CACNA1H: variants seen among roughly 807,000 people sequenced by gnomAD.
The protein encoded by CACNA1H is calcium voltage-gated channel subunit alpha1 H.
In CACNA1H, 149 loss-of-function variants were observed where a neutral mutation model predicts 192.5. The ratio of observed to expected loss-of-function variants is 0.77; its 90% CI spans 0.68 to 0.89. The LOEUF (loss-of-function observed/expected upper bound fraction) is 0.89, where lower values mean the gene tolerates loss of function less well. Ranked by LOEUF, CACNA1H falls within the 40% of genes least tolerant of loss-of-function variation. CACNA1H has a pLI of 0.00. For synonymous variants in CACNA1H, 2,202 were observed against 1,475.2 expected, an observed-to-expected ratio of 1.49 and a Z score of -11.29; for missense variants, 4,257 against 3,423.5, an observed-to-expected ratio of 1.24 and a Z score of -6.08.
At position 1,200,927 on chromosome 16, in the gene CACNA1H, CAG is replaced by C. The variant is rs557070730; in HGVS notation, c.1212+120_1212+121del. ...CTGTCTTCCAGCTGAAGGGAGCACACAGGGGAGGGAGGCAGAGCTTGCGGGGG... is the reference window on the plus strand; with the variant it reads ...CTGTCTTCCAGCTGAAGGGAGCACACGGGAGGGAGGCAGAGCTTGCGGGGG... On this transcript the variant is annotated intron_variant, in intron 8 of 34. Transcript: ENST00000348261. The C allele has an allele frequency of 4.3e-4, 304 of 706,698 alleles. 2 individuals are homozygous for C. The highest frequency in any genetic ancestry group is 4.1e-3 in the Middle Eastern group (13 of 3,192). The allele number at this position is 706,698 out of a possible 1,614,324, so 43.8% of individuals were successfully genotyped here.
At chr16:1,164,368 C>G (rs576446096) in intron 2 of CACNA1H, among the ~76,000 whole-genome samples, 20 of 152,302 alleles carry the variant, frequency 1.3e-4, no homozygotes, top group African/African-American at 4.3e-4. Context: ...AGGTCTCACC[C>G]TGTCGCCCAG....
At position 1,221,311 on chromosome 16, in the gene CACNA1H, A is replaced by G. The variant is rs1970465271; in HGVS notation, c.*317A>G. 4 of 397,816 alleles carry G rather than the reference A, an allele frequency of 1.0e-5. No individual in the cohort carries two copies. The highest frequency in any genetic ancestry group is 4.1e-5 in the Admixed American group (1 of 24,214). 24.6% of individuals were successfully genotyped at this position (397,816 alleles called of 1,614,324 possible). ...GACGAAGACCGGGCACCCGCCAGAG[A>G]GGGGAAGGTACCAGGTTGCGTCCTT... On this transcript the variant is annotated 3_prime_UTR_variant, in exon 35 of 35. Coordinates refer to ENST00000348261, the MANE Select transcript of CACNA1H (RefSeq NM_021098.3).
At chr16:1,171,916 C>G (rs541695268) in intron 2 of CACNA1H, among the ~76,000 whole-genome samples, 1 of 152,242 alleles carries the variant, frequency 6.6e-6, no homozygotes, top group Non-Finnish European at 1.5e-5. Context: ...GCAGTGTCCA[C>G]GGGTGGGGGC....
At position 1,207,065 on chromosome 16, in the gene CACNA1H, C is replaced by A; in HGVS notation, c.2854C>A (p.Pro952Thr). Residue 952 changes from proline to threonine, a missense_variant, in exon 13 of 35, where the codon CCT becomes ACT. Physicochemically the swap from Pro to Thr is conservative, Grantham distance 38. Transcript: ENST00000348261. Reference sequence around the variant, plus strand: ...GAAGACAGACACCGGAGACACCGTGCCTGACAGGAAGAACTTCGACTCCCT... The same window carrying A: ...GAAGACAGACACCGGAGACACCGTGACTGACAGGAAGAACTTCGACTCCCT... Reference protein sequence around the residue: ...SLKTDTGDTVPDRKNFDSLLW... With the variant: ...SLKTDTGDTVTDRKNFDSLLW... 6.2e-7 allele frequency: 1 copy of A among 1,603,458 alleles called. No individual in the cohort carries two copies. The highest frequency in any genetic ancestry group is 1.7e-5 in the Admixed American group (1 of 58,896).
intron 2 of CACNA1H, among the ~76,000 whole-genome samples, chr16:1,164,899 G>A (rs1024755597): frequency 2.6e-5 from 4 of 152,178 alleles, no homozygotes; most frequent in South Asian, 4.1e-4. Context: ...GGGGTGGGTC[G>A]AGTCGCCCCT....
intron 2 of CACNA1H, among the ~76,000 whole-genome samples, chr16:1,172,138 G>C (rs1189609279): frequency 6.6e-6 from 1 of 152,174 alleles, no homozygotes; most frequent in Non-Finnish European, 1.5e-5. Flanking sequence ...CGGGCCGCAG[G>C]GCGTGGGCCG....
At chr16:1,186,283 G>C (rs111384860) in intron 2 of CACNA1H, among the ~76,000 whole-genome samples, 7 of 152,002 alleles carry the variant, frequency 4.6e-5, no homozygotes, top group Admixed American at 6.6e-5. Flanking sequence ...CGGCTCCCTC[G>C]AGGTGTCCCA....
In CACNA1H at chr16:1,220,244, C is replaced by T. The variant is rs1224881281; in HGVS notation, c.6312C>T (p.Ile2104=). 1 of 1,585,264 alleles carries T rather than the reference C, an allele frequency of 6.3e-7. No homozygotes were observed. Among genetic ancestry groups the T allele is most frequent in the Admixed American group, 1.7e-5 (1 of 58,362 alleles). Residue 2104 remains isoleucine (I), a synonymous_variant, in exon 35 of 35, where the codon ATC becomes ATT. Transcript: ENST00000348261. ...CAGCCGACGAGGAGGTCAGCCACAT[C>T]ACCAGCTCCGCCTGCCCCTGGCAGC... is the stretch of plus-strand genomic sequence containing the variant. The part of the protein sequence containing the change: ...SDPADEEVSH[I]TSSACPWQPT...
Position 1,213,855 on chromosome 16 carries a change from ATC to A in CACNA1H, c.4856_4857del (p.Leu1619ArgfsTer21). 1.2e-6 allele frequency: 2 copies of A among 1,609,086 alleles called. No individual in the cohort carries two copies. Among genetic ancestry groups the A allele is most frequent in the Non-Finnish European group, 1.7e-6 (2 of 1,178,202 alleles). The stretch of plus-strand genomic sequence containing the variant: ...ATTCACTCGCTGTGCACCAGCCACT[ATC>A]TCGACCTCTTCATCACCTTCATCAT... On this transcript the variant is annotated frameshift_variant, in exon 27 of 35. Transcript: ENST00000348261. LOFTEE classifies it high-confidence loss of function.
chr16:1,173,145 G>A (rs9972683), intron 2 of CACNA1H, among the ~76,000 whole-genome samples: 4 of 152,174 alleles, frequency 2.6e-5, no homozygotes, highest in South Asian at 2.1e-4. Context: ...AGGTCCTAGC[G>A]TGTTTAAGCA....
At position 1,180,220 on chromosome 16, in the gene CACNA1H, A is replaced by G. The variant is rs1965331059; in HGVS notation, c.300-14752A>G. Among the ~76,000 whole-genome samples the G allele has an allele frequency of 6.6e-6, 1 of 152,212 alleles. No individual in the cohort carries two copies. Among genetic ancestry groups the G allele is most frequent in the Non-Finnish European group, 1.5e-5 (1 of 68,038 alleles). ...GCACAGGCAGGTGGTGTGCGTCCGC[A>G]TTGCAGAACACGGGGCGTTGCAGGC... is the stretch of plus-strand genomic sequence containing the variant. On this transcript the variant is annotated intron_variant, in intron 2 of 34. Coordinates refer to ENST00000348261, the MANE Select transcript of CACNA1H (RefSeq NM_021098.3). The surrounding 1 kb of genome is among the most constrained non-coding windows in gnomAD (Gnocchi z 4.4).
chr16:1,216,699 A>G (rs990394402), intron 30 of CACNA1H, among the ~76,000 whole-genome samples: 4 of 152,228 alleles, frequency 2.6e-5, no homozygotes, highest in Non-Finnish European at 4.4e-5. Context: ...GCCAGCACAG[A>G]GGGGTGGGCT....
chr16:1,210,725 C>G, intron 20 of CACNA1H, 62 bp from the exon 21 acceptor site: 1 of 1,577,398 alleles, frequency 6.3e-7, no homozygotes, highest in South Asian at 1.1e-5. Context: ...CACCCAGCAG[C>G]GCGCCAGCTC....
chr16:1,185,363 C>T (rs941295475), intron 2 of CACNA1H, among the ~76,000 whole-genome samples: 2 of 152,042 alleles, frequency 1.3e-5, no homozygotes. Flanking sequence ...CTGGTGTAGG[C>T]AGGATTGGCG....
intron 15 of CACNA1H, 66 bp downstream of exon 15, chr16:1,207,926 C>G: frequency 6.5e-7 from 1 of 1,539,188 alleles, no homozygotes; most frequent in Non-Finnish European, 8.8e-7. Context: ...CCGGGCAGGG[C>G]CCCCATAAGG....
At chr16:1,173,654 C>T (rs572265505) in intron 2 of CACNA1H, among the ~76,000 whole-genome samples, 56 of 152,194 alleles carry the variant, frequency 3.7e-4, no homozygotes, top group Admixed American at 9.2e-4. Flanking sequence ...CTCTGCCTGG[C>T]CTGGTGGAAG....
chr16:1,201,500 G>T (rs546475435), intron 8 of CACNA1H, among the ~76,000 whole-genome samples, 163 bp from the exon 9 acceptor site: 1 of 152,252 alleles, frequency 6.6e-6, no homozygotes, highest in South Asian at 2.1e-4. Context: ...TCCAGACGTG[G>T]GGGCTCAGCA....
intron 2 of CACNA1H, among the ~76,000 whole-genome samples, chr16:1,155,638 C>T (rs1189602255): frequency 1.3e-5 from 2 of 152,018 alleles, no homozygotes; most frequent in East Asian, 3.9e-4. Context: ...GCCTGGCTGC[C>T]CCATCCCCAA....
rs775276676 is a variant in CACNA1H, at chr16:1,218,348, C to T, written c.5584C>T (p.His1862Tyr). Residue 1862 changes from histidine to tyrosine, a missense_variant, in exon 33 of 35, where the codon CAC becomes TAC. Physicochemically the swap from His to Tyr is moderately conservative, Grantham distance 83. Coordinates refer to ENST00000348261, the MANE Select transcript of CACNA1H (RefSeq NM_021098.3). Reference protein sequence around the residue: ...VNVVVAVLMKHLEESNKEARE... With the variant: ...VNVVVAVLMKYLEESNKEARE... The stretch of plus-strand genomic sequence containing the variant: ...CGTGGTGGTGGCCGTGCTCATGAAG[C>T]ACCTGGAGGAGAGCAACAAGGAGGC... 1 of 1,562,086 alleles carries T rather than the reference C, an allele frequency of 6.4e-7. No individual in the cohort carries two copies. The highest frequency in any genetic ancestry group is 1.2e-5 in the South Asian group (1 of 84,612).
Sources: allele counts gnomAD v4.1 joint callset (sites outside exome capture counted in the v4.1 genomes callset), GRCh38; gene constraint gnomAD v4.1.1; non-coding constraint Gnocchi (gnomAD v3.1); transcripts MANE v1.5; gene names NCBI Gene and HGNC (gene_info 2026-07-23, HGNC 2026-07-21).